The following PTRH1 variants were observed in gnomAD, a reference collection of about 807,000 sequenced individuals.
PTRH1 encodes peptidyl-tRNA hydrolase 1 homolog.
Under a neutral mutation model 15.7 loss-of-function variants are expected in PTRH1, and 13 were observed. The observed-to-expected ratio is 0.83, with a 90% CI of 0.54 to 1.31. The LOEUF (loss-of-function observed/expected upper bound fraction) is 1.31. Among genes scored for constraint, PTRH1 ranks in the 40% most tolerant of loss-of-function variants. PTRH1 has a pLI of 0.00. For synonymous variants in PTRH1, 139 were observed against 136.7 expected (o/e 1.02, Z -0.12); for missense variants, 319 against 296.2 (o/e 1.08, Z -0.56).
chr9:127,707,766 A>C (rs1221061236), intron 1 of PTRH1, among the ~76,000 whole-genome samples: 1 of 152,132 alleles, frequency 6.6e-6, no homozygotes, highest in Non-Finnish European at 1.5e-5. Flanking sequence ...AGCCATGTTC[A>C]CCTGCCCGTC....
chr9:127,711,519 A>G (rs1201749492), downstream of PTRH1: 1 of 1,604,530 alleles, frequency 6.2e-7, no homozygotes, highest in South Asian at 1.1e-5. Context: ...GCCTCAGCAC[A>G]GGGCATTTGG....
At chr9:127,700,881 A>C (rs1842598783) in intron 1 of PTRH1, among the ~76,000 whole-genome samples, 1 of 152,262 alleles carries the variant, frequency 6.6e-6, no homozygotes, top group Non-Finnish European at 1.5e-5. Context: ...AACTTTCTCC[A>C]GATAAGAAGA....
At chr9:127,700,889 A>C (rs928296755) in intron 1 of PTRH1, among the ~76,000 whole-genome samples, 1 of 152,248 alleles carries the variant, frequency 6.6e-6, no homozygotes, top group Non-Finnish European at 1.5e-5. Flanking sequence ...CCAGATAAGA[A>C]GACTATGAAC....
At chr9:127,704,935 TG>T (rs1211681241) in intron 1 of PTRH1, among the ~76,000 whole-genome samples, 2 of 151,644 alleles carry the variant, frequency 1.3e-5, no homozygotes, top group East Asian at 3.9e-4. Context: ...TTTTTAGAGA[TG>T]GGGGTCTTGC....
At chr9:127,702,972 C>T (rs948256534) in intron 1 of PTRH1, among the ~76,000 whole-genome samples, 2 of 151,342 alleles carry the variant, frequency 1.3e-5, no homozygotes, top group Admixed American at 6.6e-5. Flanking sequence ...CCACCCGCCT[C>T]GGCCTCCCAA....
At chr9:127,699,367 G>A (rs1327672135) in intron 1 of PTRH1, among the ~76,000 whole-genome samples, 1 of 152,240 alleles carries the variant, frequency 6.6e-6, no homozygotes, top group Non-Finnish European at 1.5e-5. Context: ...GGAAAAGGCC[G>A]ACACCCAACA....
chr9:127,715,199 G>A lies in PTRH1; in HGVS notation c.97-5C>T, dbSNP rs1486018814. 6.6e-7 allele frequency: 1 copy of A among 1,525,680 alleles called. No individual in the cohort carries two copies. The highest frequency in any genetic ancestry group is 2.0e-5 in the Admixed American group (1 of 49,712). 94.5% of individuals were successfully genotyped at this position (1,525,680 alleles called of 1,614,324 possible). A position where few individuals can be genotyped will look rare whatever the true frequency, so the allele number is the denominator to read the frequency against. On this transcript the variant is annotated splice_region_variant and splice_polypyrimidine_tract_variant and intron_variant, in intron 1 of 4. Transcript: ENST00000543175. The surrounding 1 kb of genome is among the most constrained non-coding windows in gnomAD (Gnocchi z 5.8). ...GGGATTCCCCAGGCCAGCCACCTGC[G>A]GGCGGCACCAGGGAAACTGAGGCCC...
downstream of PTRH1, chr9:127,712,521 TAA>T: frequency 6.7e-7 from 1 of 1,492,194 alleles, no homozygotes. Context: ...TCCAAGGTCT[TAA>T]AGGAGCTGGA....
chr9:127,712,648 C>G (rs1325667056), downstream of PTRH1: 41 of 1,613,096 alleles, frequency 2.5e-5, no homozygotes, highest in Non-Finnish European at 3.5e-5. Context: ...TTGGAATTTC[C>G]TGGACGAGGG....
chr9:127,714,479 C>T, intron 3 of PTRH1, 55 bp from the exon 4 acceptor site: 3 of 1,607,446 alleles, frequency 1.9e-6, no homozygotes, highest in South Asian at 2.2e-5. Context: ...TGTCCTTCCA[C>T]CCCTCCCTGC....
chr9:127,711,648 T>C, downstream of PTRH1: 3 of 1,193,076 alleles, frequency 2.5e-6, no homozygotes, highest in South Asian at 4.6e-5. Context: ...TGCAGGGTGC[T>C]GGGCCTAGCT....
chr9:127,694,827 G>A (rs1025818954), intron 2 of PTRH1: 10 of 602,288 alleles, frequency 1.7e-5, no homozygotes, highest in South Asian at 4.1e-5. Flanking sequence ...ATTTAACACC[G>A]TTGGAGACTT....
chr9:127,704,422 T>A (rs1458200197), intron 1 of PTRH1, among the ~76,000 whole-genome samples: 8 of 146,046 alleles, frequency 5.5e-5, no homozygotes, highest in Admixed American at 7.0e-5. Context: ...GGCAGGAGAA[T>A]CGCTTGAACC....
chr9:127,709,584 G>A (rs1310207392), downstream of PTRH1: 3 of 1,613,968 alleles, frequency 1.9e-6, no homozygotes, highest in Non-Finnish European at 2.5e-6. The surrounding 1 kb of genome is among the most constrained non-coding windows in gnomAD (Gnocchi z 4.7). Flanking sequence ...TCCAGAACTT[G>A]CAGCTAGCCA....
chr9:127,709,275 A>C (rs1243120433), downstream of PTRH1: 3 of 754,288 alleles, frequency 4.0e-6, no homozygotes, highest in Non-Finnish European at 6.4e-6. The surrounding 1 kb of genome is among the most constrained non-coding windows in gnomAD (Gnocchi z 4.7). Context: ...ACCAAGGGGC[A>C]TAGTGGGAGA....
intron 1 of PTRH1, among the ~76,000 whole-genome samples, chr9:127,706,340 C>A (rs764983527): frequency 3.3e-5 from 5 of 152,184 alleles, no homozygotes; most frequent in Non-Finnish European, 5.9e-5. Flanking sequence ...CTCCAAGAAA[C>A]CACATTTGCT....
intron 2 of PTRH1, chr9:127,694,833 G>A (rs1842542325): frequency 1.7e-6 from 1 of 603,168 alleles, no homozygotes; most frequent in African/African-American, 1.8e-5. Context: ...CACCGTTGGA[G>A]ACTTTTAGCA....
intron 1 of PTRH1, among the ~76,000 whole-genome samples, chr9:127,706,603 A>G (rs1842651675): frequency 6.6e-6 from 1 of 152,136 alleles, no homozygotes; most frequent in Admixed American, 6.5e-5. Flanking sequence ...GGACGCCCCA[A>G]TGCACCCATG....
At chr9:127,709,981 C>G (rs79078138), downstream of PTRH1, among the ~76,000 whole-genome samples, 5,927 of 152,208 alleles carry the variant, frequency 0.039, 391 homozygotes, top group African/African-American at 0.13. The surrounding 1 kb of genome is among the most constrained non-coding windows in gnomAD (Gnocchi z 4.7). Flanking sequence ...TATATACAGT[C>G]CAGCTGCTGG....
Sources: allele counts gnomAD v4.1 joint callset (sites outside exome capture counted in the v4.1 genomes callset), GRCh38; gene constraint gnomAD v4.1.1; non-coding constraint Gnocchi (gnomAD v3.1); transcripts MANE v1.5; gene names NCBI Gene and HGNC (gene_info 2026-07-23, HGNC 2026-07-21).